The following UGGT2 variants were observed in gnomAD, a reference collection of about 807,000 sequenced individuals.
The protein encoded by UGGT2 is UDP-glucose:glycoprotein glucosyltransferase 2.
In UGGT2, 180 loss-of-function variants were observed where a neutral mutation model predicts 192.1. The ratio of observed to expected loss-of-function variants is 0.94; its 90% CI spans 0.83 to 1.06. The LOEUF is 1.06. UGGT2 is among the 50% of genes least tolerant of loss of function. The pLI, the probability that UGGT2 is intolerant of heterozygous loss-of-function variation, is 0.00. For missense variants in UGGT2, 1,849 were observed against 1,795.7 expected, an observed-to-expected ratio of 1.03 and a Z score of -0.54; for synonymous variants, 580 against 591.0, an observed-to-expected ratio of 0.98 and a Z score of 0.27.
At chr13:95,827,614 C>T (rs533053576) in intron 38 of UGGT2, among the ~76,000 whole-genome samples, 1 of 152,006 alleles carries the variant, frequency 6.6e-6, no homozygotes, top group Non-Finnish European at 1.5e-5. Flanking sequence ...TATAGCAGCC[C>T]TAGCAAACTA....
intron 38 of UGGT2, among the ~76,000 whole-genome samples, chr13:95,804,486 G>A (rs1884210210): frequency 6.6e-6 from 1 of 152,118 alleles, no homozygotes; most frequent in Non-Finnish European, 1.5e-5. Flanking sequence ...AGAATCACAA[G>A]GGATGCCGAA....
chr13:95,943,528 C>G (rs1300765875), intron 15 of UGGT2, among the ~76,000 whole-genome samples: 1 of 151,832 alleles, frequency 6.6e-6, no homozygotes, highest in African/African-American at 2.4e-5. Flanking sequence ...ATTAATTTAT[C>G]CAAGCACCTA....
intron 8 of UGGT2, among the ~76,000 whole-genome samples, chr13:95,986,680 G>A (rs1033072373): frequency 2.9e-4 from 44 of 151,974 alleles, no homozygotes; most frequent in Admixed American, 3.3e-4. Flanking sequence ...GTATAATTTC[G>A]AGAGAGATAT....
At chr13:96,019,004 T>C (rs1336997774) in intron 4 of UGGT2, among the ~76,000 whole-genome samples, 3 of 150,986 alleles carry the variant, frequency 2.0e-5, no homozygotes, top group Non-Finnish European at 1.5e-5. Flanking sequence ...ACATAAATTA[T>C]ATGCTTAAAT....
chr13:95,801,927 A>T (rs1474947408), intron 38 of UGGT2, 115 bp from the exon 39 acceptor site: 1 of 1,169,388 alleles, frequency 8.6e-7, no homozygotes, highest in African/African-American at 1.5e-5. Context: ...TTTATTTGCT[A>T]GTTCAGTACC....
rs2049054800 is a variant in UGGT2 at position 95,927,410 on chromosome 13, C to A, written c.1978-74G>T. 8 of 1,224,662 alleles carry A rather than the reference C, an allele frequency of 6.5e-6. No individual in the cohort carries two copies. In the Admixed American group the frequency reaches 8.0e-5, roughly 12 times the overall value. 75.9% of individuals were successfully genotyped at this position (1,224,662 alleles called of 1,614,324 possible). ...TGTTTCAAAAAGTATGCAGATAACA[C>A]AAAGATTACTTAATCAAAAATAAAT... On this transcript the variant is annotated intron_variant, in intron 17 of 38. Coordinates refer to ENST00000376747, the MANE Select transcript of UGGT2 (RefSeq NM_020121.4).
At chr13:95,843,175 C>A (rs1436219536) in intron 36 of UGGT2, among the ~76,000 whole-genome samples, 2 of 152,186 alleles carry the variant, frequency 1.3e-5, no homozygotes, top group Admixed American at 1.3e-4. Flanking sequence ...TTAAGTTAAA[C>A]TGTAAAAGAA....
At chr13:96,010,141 T>C (rs534891329) in intron 5 of UGGT2, among the ~76,000 whole-genome samples, 9 of 152,166 alleles carry the variant, frequency 5.9e-5, no homozygotes, top group Non-Finnish European at 1.3e-4. Flanking sequence ...ACTGGGTATA[T>C]ACCCAGAAGA....
chr13:96,006,617 C>G (rs1279254560), intron 5 of UGGT2, among the ~76,000 whole-genome samples: 1 of 103,966 alleles, frequency 9.6e-6, no homozygotes, highest in African/African-American at 4.0e-5. Flanking sequence ...GAGCGAGATT[C>G]TGCCTCAAAA....
chr13:95,901,019 A>C (rs2048091038), intron 21 of UGGT2, 81 bp from the exon 22 acceptor site: 1 of 1,022,464 alleles, frequency 9.8e-7, no homozygotes, highest in South Asian at 3.9e-5. Context: ...AACTAATATT[A>C]GTATAAAATT....
rs557822481 is a variant in UGGT2 at position 96,012,725 on chromosome 13, C to G, written c.660+582G>C. On this transcript the variant is annotated intron_variant, in intron 5 of 38. Coordinates refer to ENST00000376747, the MANE Select transcript of UGGT2 (RefSeq NM_020121.4). ...CAAAGCATAGTCCTTCCTCTAATGG[C>G]CATTATATTCATACGCATGTGTGTG... 5.1e-5 allele frequency among the ~76,000 whole-genome samples: 7 copies of G among 137,024 alleles called. No homozygotes were observed. The East Asian group carries it at 1.5e-3, about 30-fold the overall frequency. The allele number at this position is 137,024 out of a possible 152,430, so 89.9% of individuals were successfully genotyped here.
At chr13:95,887,015 C>G (rs965888057) in intron 26 of UGGT2, among the ~76,000 whole-genome samples, 1 of 151,742 alleles carries the variant, frequency 6.6e-6, no homozygotes, top group Admixed American at 6.6e-5. Context: ...TGATGGTGCC[C>G]CAGCCTGGAC....
intron 35 of UGGT2, 65 bp downstream of exon 35, chr13:95,854,250 A>G (rs1463766174): frequency 6.6e-7 from 1 of 1,509,298 alleles, no homozygotes; most frequent in Admixed American, 2.2e-5. Flanking sequence ...ATTTTTAAGA[A>G]AACTGAAAGT....
In UGGT2 at chr13:95,947,099, G is replaced by T. The variant is rs367854277; in HGVS notation, c.1615C>A (p.Arg539=). The T allele has an allele frequency of 3.7e-6, 6 of 1,611,658 alleles. No individual in the cohort carries two copies. In the African/African-American group the frequency reaches 8.0e-5, roughly 22 times the overall value. ...TCTTCTGCAATATAGTTGAAAGCTC[G>T]CCAGAGAGCAACTCCAGCATCATTT... ...GANDAGVALW[R]AFNYIAEEFD... Residue 539 remains arginine (R), a synonymous_variant, in exon 15 of 39, where the codon CGA becomes AGA. Transcript: ENST00000376747.
At chr13:96,001,659 TAAC>T (rs1471586966) in intron 5 of UGGT2, among the ~76,000 whole-genome samples, 1 of 152,154 alleles carries the variant, frequency 6.6e-6, no homozygotes, top group African/African-American at 2.4e-5. Context: ...CACAGACAAT[TAAC>T]AACAACAAGG....
chr13:95,978,984 T>A (rs2051029588), intron 10 of UGGT2, among the ~76,000 whole-genome samples: 1 of 152,218 alleles, frequency 6.6e-6, no homozygotes, highest in Non-Finnish European at 1.5e-5. Context: ...AATATCTGCA[T>A]TTTAGTTAAT....
chr13:95,805,282 A>AC lies in UGGT2; in HGVS notation c.4529-3471dup, dbSNP rs1473377270. On this transcript the variant is annotated intron_variant, in intron 38 of 38. Coordinates refer to ENST00000376747, the MANE Select transcript of UGGT2 (RefSeq NM_020121.4). ...AGTATGACTGCTATAAAAAAAAAAA[A>AC]CCCAGAAAATAAGAAGTGTTGGTGA... Among the ~76,000 whole-genome samples, 18 of 151,838 alleles carry AC rather than the reference A, an allele frequency of 1.2e-4. No homozygotes were observed. The East Asian group carries it at 2.3e-3, about 20-fold the overall frequency.
chr13:95,910,710 C>T (rs987165873), intron 20 of UGGT2, among the ~76,000 whole-genome samples: 5 of 152,178 alleles, frequency 3.3e-5, no homozygotes, highest in African/African-American at 1.2e-4. Flanking sequence ...ATATCCAGGA[C>T]CTGAACTCAG....
intron 38 of UGGT2, among the ~76,000 whole-genome samples, chr13:95,805,456 C>T (rs1251914849): frequency 6.6e-6 from 1 of 152,074 alleles, no homozygotes. Flanking sequence ...AAAGCGGGGT[C>T]TCAAAGAGAT....
Sources: gnomAD v4.1 joint callset for allele counts (sites outside exome capture counted in the v4.1 genomes callset) on GRCh38, gnomAD v4.1.1 for gene constraint, MANE v1.5 for transcripts, NCBI Gene and HGNC (gene_info 2026-07-23, HGNC 2026-07-21) for gene names.